The following VCL variants were observed in gnomAD, a reference collection of about 807,000 sequenced individuals.
VCL encodes the protein epididymis luminal protein 114.
VCL carries 47 observed loss-of-function variants against 125.7 expected under a neutral mutation model. The ratio of observed to expected loss-of-function variants is 0.37; its 90% CI spans 0.30 to 0.48. The LOEUF (loss-of-function observed/expected upper bound fraction) is 0.48. VCL is among the 20% of genes least tolerant of loss of function. The pLI is 0.99. For synonymous variants in VCL, 458 were observed against 514.6 expected, an observed-to-expected ratio of 0.89 and a Z score of 1.49; for missense variants, 1,069 against 1,455.5, an observed-to-expected ratio of 0.73 and a Z score of 4.32.
intron 9 of VCL, 146 bp downstream of exon 9, chr10:74,089,495 A>G: frequency 8.6e-7 from 1 of 1,159,798 alleles, no homozygotes. Flanking sequence ...GCACTTACCA[A>G]TGTTAACACC....
At chr10:74,056,861 T>C (rs988559820) in intron 2 of VCL, among the ~76,000 whole-genome samples, 1 of 152,232 alleles carries the variant, frequency 6.6e-6, no homozygotes, top group African/African-American at 2.4e-5. Context: ...AAATGCTTCA[T>C]ATTAACATAG....
intron 1 of VCL, among the ~76,000 whole-genome samples, chr10:74,026,384 C>T (rs754964595): frequency 1.3e-5 from 2 of 152,214 alleles, no homozygotes; most frequent in Non-Finnish European, 2.9e-5. Flanking sequence ...TTCTTTCTAG[C>T]TTCTGCATCA....
chr10:74,031,177 T>C (rs1182221025), intron 1 of VCL, among the ~76,000 whole-genome samples: 2 of 152,168 alleles, frequency 1.3e-5, no homozygotes, highest in Non-Finnish European at 2.9e-5. Context: ...GCCTTGTAAA[T>C]TCCTAAGAAG....
In VCL at chr10:74,103,859, A is replaced by G; in HGVS notation, c.2062A>G (p.Asn688Asp). 1 of 1,614,182 alleles carries G rather than the reference A, an allele frequency of 6.2e-7. No homozygotes were observed. The highest frequency in any genetic ancestry group is 8.5e-7 in the Non-Finnish European group (1 of 1,180,012). Residue 688 changes from asparagine (N) to aspartate (D), a missense_variant, in exon 15 of 22, where the codon AAT becomes GAT. Physicochemically the swap from Asn to Asp is conservative, Grantham distance 23. Transcript: ENST00000211998. ...AARILLRNPG[N>D]QAAYEHFETM... is the part of the protein sequence containing the mutation. ...TCGTATCTTACTTAGGAACCCTGGA[A>G]ATCAAGCTGCTTATGAACATTTTGA...
chr10:74,115,993 T>A (rs1406621379), intron 21 of VCL, among the ~76,000 whole-genome samples: 1 of 152,184 alleles, frequency 6.6e-6, no homozygotes, highest in Non-Finnish European at 1.5e-5. Flanking sequence ...CACACAGGGC[T>A]CCTCACACAT....
chr10:74,023,883 A>AGT (rs1840720676), intron 1 of VCL, among the ~76,000 whole-genome samples: 2 of 152,228 alleles, frequency 1.3e-5, no homozygotes, highest in African/African-American at 4.8e-5. Flanking sequence ...ATGCTCTGGA[A>AGT]GTGCTGTAGC....
chr10:74,107,462 G>A, intron 17 of VCL, 108 bp downstream of exon 17: 1 of 1,568,332 alleles, frequency 6.4e-7, no homozygotes, highest in African/African-American at 1.3e-5. Context: ...GCTTCGTTTA[G>A]CTTTCATTTG....
At chr10:74,079,199 A>C (rs998093121) in intron 6 of VCL, among the ~76,000 whole-genome samples, 5 of 152,126 alleles carry the variant, frequency 3.3e-5, no homozygotes, top group African/African-American at 1.2e-4. Flanking sequence ...ACATGAATTC[A>C]TAAGAATTTT....
At chr10:74,017,564 T>A (rs1486901479) in intron 1 of VCL, among the ~76,000 whole-genome samples, 1 of 151,352 alleles carries the variant, frequency 6.6e-6, no homozygotes, top group Non-Finnish European at 1.5e-5. Context: ...TTTCTTTTTT[T>A]TTTTTTGAGA....
At chr10:74,046,778 A>G (rs1276644373) in intron 2 of VCL, among the ~76,000 whole-genome samples, 1 of 152,178 alleles carries the variant, frequency 6.6e-6, no homozygotes, top group Non-Finnish European at 1.5e-5. Flanking sequence ...GTCTATGAAT[A>G]TGATTTGATT....
chr10:73,998,384 G>A lies in VCL; in HGVS notation c.168+9G>A, dbSNP rs997516030. The A allele has an allele frequency of 1.3e-6, 2 of 1,506,162 alleles. No homozygotes were observed. Among genetic ancestry groups the A allele is most frequent in the African/African-American group, 1.4e-5 (1 of 69,624 alleles). 93.3% of individuals were successfully genotyped at this position (1,506,162 alleles called of 1,614,324 possible). A position where few individuals can be genotyped will look rare whatever the true frequency, so the allele number is the denominator to read the frequency against. ...TCAGCAACCTCGTCCGGGTGAGCGCGCAGGGCCTGGCGCGGGAGCGGGCGC... is the reference window on the plus strand; with the variant it reads ...TCAGCAACCTCGTCCGGGTGAGCGCACAGGGCCTGGCGCGGGAGCGGGCGC... On this transcript the variant is annotated intron_variant, in intron 1 of 21. Coordinates refer to ENST00000211998, the MANE Select transcript of VCL (RefSeq NM_014000.3).
At chr10:74,000,309 G>A (rs1034782974) in intron 1 of VCL, among the ~76,000 whole-genome samples, 3 of 145,416 alleles carry the variant, frequency 2.1e-5, no homozygotes, top group South Asian at 2.2e-4. Context: ...TCACGCAGGC[G>A]CTGGAGTGCA....
At chr10:74,038,033 T>C (rs1395158513) in intron 1 of VCL, among the ~76,000 whole-genome samples, 2 of 151,122 alleles carry the variant, frequency 1.3e-5, no homozygotes, top group African/African-American at 4.9e-5. Flanking sequence ...AGTCTCGCTC[T>C]GTCGCCTAGG....
At chr10:74,083,621 AT>A in intron 8 of VCL, 108 bp downstream of exon 8, 1 of 1,325,036 alleles carries the variant, frequency 7.5e-7, no homozygotes, top group Non-Finnish European at 1.1e-6. Flanking sequence ...TGGCTAGTAG[AT>A]AACAGAGATA....
intron 15 of VCL, chr10:74,104,820 C>G: frequency 1.8e-6 from 1 of 565,498 alleles, no homozygotes; most frequent in Non-Finnish European, 3.1e-6. Flanking sequence ...GGCTGGCAAC[C>G]ACGGTTGGTA....
At chr10:74,102,811 A>G (rs756850887) in intron 14 of VCL, among the ~76,000 whole-genome samples, 4 of 152,184 alleles carry the variant, frequency 2.6e-5, no homozygotes, top group Non-Finnish European at 4.4e-5. Context: ...GGCTTATAAC[A>G]CCAATTATAG....
intron 18 of VCL, among the ~76,000 whole-genome samples, chr10:74,110,769 T>C (rs1840207692): frequency 1.3e-5 from 2 of 152,174 alleles, no homozygotes; most frequent in Non-Finnish European, 1.5e-5. Context: ...TGAGTACAGA[T>C]GTTTGATGTA....
chr10:74,037,844 A>G (rs1253073678), intron 1 of VCL, among the ~76,000 whole-genome samples: 1 of 152,236 alleles, frequency 6.6e-6, no homozygotes, highest in Non-Finnish European at 1.5e-5. Context: ...CTGGAGCAAC[A>G]AGACCAGTTT....
In VCL at chr10:74,115,387, G is replaced by GATAAATAA. The variant is rs142695515; in HGVS notation, c.3258+513_3258+520dup. 4.5e-3 allele frequency among the ~76,000 whole-genome samples: 675 copies of GATAAATAA among 150,388 alleles called. 7 individuals carry two copies. Among genetic ancestry groups the GATAAATAA allele is most frequent in the African/African-American group, 0.015 (592 of 40,710 alleles). On this transcript the variant is annotated intron_variant, in intron 21 of 21. Coordinates refer to ENST00000211998, the MANE Select transcript of VCL (RefSeq NM_014000.3). ...GCAAGACCCCATCTCAAAATAAATA[G>GATAAATAA]ATAAATAAATAAATAAATAAATAAA...
Sources: allele counts gnomAD v4.1 joint callset (sites outside exome capture counted in the v4.1 genomes callset), GRCh38; gene constraint gnomAD v4.1.1; transcripts MANE v1.5; gene names NCBI Gene and HGNC (gene_info 2026-07-23, HGNC 2026-07-21).